MTHFD2L: variants seen among roughly 807,000 people sequenced by gnomAD.
MTHFD2L encodes methylenetetrahydrofolate dehydrogenase (NADP+ dependent) 2 like.
MTHFD2L carries 29 observed loss-of-function variants against 34.9 expected under a neutral mutation model. The observed-to-expected ratio is 0.83, with a 90% CI of 0.62 to 1.13. The LOEUF (loss-of-function observed/expected upper bound fraction) is 1.13, where lower values mean the gene tolerates loss of function less well. Ranked by LOEUF, MTHFD2L falls within the 50% of genes most tolerant of loss-of-function variation. The pLI, the probability that MTHFD2L is intolerant of heterozygous loss-of-function variation, is 0.00. For missense variants in MTHFD2L, 481 were observed against 446.5 expected (o/e 1.08, Z -0.70); for synonymous variants, 167 against 155.7 (o/e 1.07, Z -0.54).
intron 4 of MTHFD2L, 123 bp downstream of exon 4, chr4:74,200,069 C>T (rs1734160890): frequency 1.2e-6 from 1 of 815,288 alleles, no homozygotes; most frequent in Admixed American, 2.8e-5. Flanking sequence ...CATAAAACGT[C>T]AGTGTACAGA....
intron 1 of MTHFD2L, among the ~76,000 whole-genome samples, chr4:74,139,627 G>A (rs915945066): frequency 6.6e-6 from 1 of 152,010 alleles, no homozygotes; most frequent in East Asian, 1.9e-4. Flanking sequence ...TCTTGGAAAT[G>A]GAAACTTGAG....
rs148463642 is a variant in MTHFD2L, at chr4:74,150,648, CTCCAAACATTA to C, written c.-296-9403_-296-9393del. Among the ~76,000 whole-genome samples, 750 of 152,246 alleles carry C rather than the reference CTCCAAACATTA, an allele frequency of 4.9e-3. 8 individuals carry two copies. Among genetic ancestry groups the C allele is most frequent in the African/African-American group, 0.017 (712 of 41,534 alleles). On this transcript the variant is annotated intron_variant, in intron 1 of 7. Transcript: ENST00000433372. Reference sequence around the variant, plus strand: ...TATATTATTTGCATATTATTTTCTGCTCCAAACATTATCCCATAACTTAAAAAAATTAACAT... The same window carrying C: ...TATATTATTTGCATATTATTTTCTGCTCCCATAACTTAAAAAAATTAACAT...
At chr4:74,291,672 A>AT (rs1222839589) in intron 7 of MTHFD2L, among the ~76,000 whole-genome samples, 2 of 152,216 alleles carry the variant, frequency 1.3e-5, no homozygotes, top group Non-Finnish European at 1.5e-5. Context: ...ATGCAAAGTA[A>AT]GCTTATTTGG....
chr4:74,133,348 G>C (rs1722688009), intron 1 of MTHFD2L, among the ~76,000 whole-genome samples: 1 of 152,006 alleles, frequency 6.6e-6, no homozygotes, highest in African/African-American at 2.4e-5. Context: ...AGATATTTCT[G>C]TCTTTCATGA....
chr4:74,218,263 T>C (rs1218607544), intron 5 of MTHFD2L, among the ~76,000 whole-genome samples: 3 of 152,146 alleles, frequency 2.0e-5, no homozygotes, highest in Non-Finnish European at 2.9e-5. Flanking sequence ...TTTTCAGTGA[T>C]GGCTGTAGAG....
intron 6 of MTHFD2L, among the ~76,000 whole-genome samples, chr4:74,249,769 G>A (rs1190123567): frequency 3.3e-5 from 5 of 152,156 alleles, no homozygotes; most frequent in African/African-American, 9.6e-5. Context: ...TGAAATTCTG[G>A]GTTGAAAATT....
chr4:74,221,027 A>C (rs979160833), intron 5 of MTHFD2L, among the ~76,000 whole-genome samples: 2 of 151,002 alleles, frequency 1.3e-5, no homozygotes, highest in Admixed American at 1.3e-4. Flanking sequence ...TCTTTCTAAA[A>C]ATTTTGCAAT....
At chr4:74,168,774 A>C (rs1727292878) in intron 1 of MTHFD2L, among the ~76,000 whole-genome samples, 1 of 152,232 alleles carries the variant, frequency 6.6e-6, no homozygotes, top group South Asian at 2.1e-4. Context: ...AATGGATTAG[A>C]GGAGATCAAG....
At chr4:74,201,710 G>A (rs480090) in intron 5 of MTHFD2L, among the ~76,000 whole-genome samples, 131,720 of 151,836 alleles carry the variant, frequency 0.87, 58,215 homozygotes, top group Non-Finnish European at 0.96. Flanking sequence ...TAGAATTCCT[G>A]TAGTGGCAAG....
At chr4:74,128,080 G>T (rs962999930) in intron 1 of MTHFD2L, among the ~76,000 whole-genome samples, 1 of 151,878 alleles carries the variant, frequency 6.6e-6, no homozygotes, top group Non-Finnish European at 1.5e-5. Flanking sequence ...TCTGTTGTCC[G>T]TTTTAAAATC....
At chr4:74,172,578 AACT>A (rs1484503097) in intron 1 of MTHFD2L, among the ~76,000 whole-genome samples, 2 of 152,202 alleles carry the variant, frequency 1.3e-5, no homozygotes, top group African/African-American at 4.8e-5. Context: ...TTTTATGGTA[AACT>A]AAAGTGGTTT....
At chr4:74,228,691 C>G (rs952770463) in intron 6 of MTHFD2L, among the ~76,000 whole-genome samples, 1 of 151,832 alleles carries the variant, frequency 6.6e-6, no homozygotes, top group Non-Finnish European at 1.5e-5. Flanking sequence ...TTTGTAAAGG[C>G]CTAAATCAGC....
At chr4:74,203,203 A>G (rs1357708233) in intron 5 of MTHFD2L, among the ~76,000 whole-genome samples, 2 of 152,200 alleles carry the variant, frequency 1.3e-5, no homozygotes, top group Admixed American at 6.5e-5. Context: ...ATAACTTTAA[A>G]AAGCCTTAGT....
At chr4:74,156,724 T>C (rs1256680849), upstream of MTHFD2L, 1 of 152,218 alleles carries the variant, frequency 6.6e-6, no homozygotes, top group Non-Finnish European at 1.5e-5. Flanking sequence ...TTTCGTATTA[T>C]CAATTTTTTG....
At chr4:74,268,998 G>C (rs895419913) in intron 6 of MTHFD2L, among the ~76,000 whole-genome samples, 1 of 152,112 alleles carries the variant, frequency 6.6e-6, no homozygotes, top group Non-Finnish European at 1.5e-5. Flanking sequence ...TCACAAAATA[G>C]CATATTTACA....
upstream of MTHFD2L, among the ~76,000 whole-genome samples, chr4:74,119,554 C>A (rs1001538986): frequency 1.3e-4 from 20 of 152,200 alleles, no homozygotes; most frequent in African/African-American, 4.6e-4. Context: ...GAGGCCGAGG[C>A]GGGCGGATCA....
At chr4:74,182,293 CTTT>C (rs1323059066) in intron 3 of MTHFD2L, among the ~76,000 whole-genome samples, 2 of 152,154 alleles carry the variant, frequency 1.3e-5, no homozygotes, top group African/African-American at 4.8e-5. Context: ...TTCAGCACCA[CTTT>C]TTTGTGTGTT....
At chr4:74,221,746 G>A (rs956932785) in intron 5 of MTHFD2L, among the ~76,000 whole-genome samples, 1 of 151,380 alleles carries the variant, frequency 6.6e-6, no homozygotes, top group African/African-American at 2.4e-5. Flanking sequence ...TTGTTTTTAT[G>A]ATAAATATAT....
At chr4:74,292,303 CA>C (rs1179917309) in intron 7 of MTHFD2L, among the ~76,000 whole-genome samples, 1 of 152,042 alleles carries the variant, frequency 6.6e-6, no homozygotes, top group Non-Finnish European at 1.5e-5. Context: ...AAAGTTGAAA[CA>C]AAAAATACAT....
Sources: allele counts gnomAD v4.1 joint callset (sites outside exome capture counted in the v4.1 genomes callset), GRCh38; gene constraint gnomAD v4.1.1; transcripts MANE v1.5; gene names NCBI Gene and HGNC (gene_info 2026-07-23, HGNC 2026-07-21).